Variants in CAMSAP2 observed in about 807,000 individuals in gnomAD.
The protein encoded by CAMSAP2 is calmodulin regulated spectrin associated protein family member 2.
A neutral mutation model predicts 146.1 loss-of-function variants in CAMSAP2; 26 were observed. The ratio of observed to expected loss-of-function variants is 0.18; its 90% CI spans 0.13 to 0.25. The LOEUF (loss-of-function observed/expected upper bound fraction) is 0.25. CAMSAP2 is among the 10% of genes least tolerant of loss of function. The pLI is 1.00. For synonymous variants in CAMSAP2, 499 were observed against 596.6 expected (o/e 0.84, Z 2.38); for missense variants, 1,381 against 1,759.3 (o/e 0.78, Z 3.85).
chr1:200,847,496 G>A, intron 9 of CAMSAP2, 144 bp from the exon 10 acceptor site: 2 of 774,542 alleles, frequency 2.6e-6, no homozygotes, highest in South Asian at 1.7e-5. Flanking sequence ...TGCTTTTCTT[G>A]ATAAAATTAT....
At chr1:200,834,825 T>C (rs1198600584) in intron 6 of CAMSAP2, among the ~76,000 whole-genome samples, 3 of 152,262 alleles carry the variant, frequency 2.0e-5, no homozygotes, top group East Asian at 1.9e-4. Flanking sequence ...TATTGGAGGA[T>C]TGCTTGAACC....
intron 2 of CAMSAP2, among the ~76,000 whole-genome samples, chr1:200,772,507 G>C (rs750990218): frequency 6.6e-6 from 1 of 152,150 alleles, no homozygotes; most frequent in Non-Finnish European, 1.5e-5. Context: ...TACTTGGGAG[G>C]CTGAGGCATG....
intron 2 of CAMSAP2, among the ~76,000 whole-genome samples, chr1:200,775,793 AG>A (rs1665261470): frequency 6.6e-6 from 1 of 152,138 alleles, no homozygotes; most frequent in South Asian, 2.1e-4. Context: ...GGCCTCCCAA[AG>A]TGCTGGGATT....
Position 200,801,314 on chromosome 1 carries a change from G to T in CAMSAP2, c.400-6062G>T, listed in dbSNP as rs550795828. On this transcript the variant is annotated intron_variant, in intron 2 of 16. Transcript: ENST00000358823. ...GAATATTGGCCCCCACTCTCTTCTG[G>T]CTTGTAGGGTTTCCACGTAGAGATC... Among the ~76,000 whole-genome samples, 5 of 151,860 alleles carry T rather than the reference G, an allele frequency of 3.3e-5. No homozygotes were observed. In the South Asian group the frequency reaches 1.0e-3, roughly 32 times the overall value.
At chr1:200,814,170 AAAAC>A (rs1449122301) in intron 3 of CAMSAP2, among the ~76,000 whole-genome samples, 1 of 142,164 alleles carries the variant, frequency 7.0e-6, no homozygotes, top group Non-Finnish European at 1.5e-5. Context: ...AAAATACTAC[AAAAC>A]AAACAAATAG....
At chr1:200,804,746 G>A (rs1034210676) in intron 2 of CAMSAP2, among the ~76,000 whole-genome samples, 2 of 152,166 alleles carry the variant, frequency 1.3e-5, no homozygotes. Context: ...GGAAGAACTG[G>A]GATAGTTGGA....
At chr1:200,755,498 A>G (rs1183109991) in intron 1 of CAMSAP2, among the ~76,000 whole-genome samples, 1 of 152,202 alleles carries the variant, frequency 6.6e-6, no homozygotes, top group East Asian at 1.9e-4. Flanking sequence ...CTGATGGCTT[A>G]TAAGGATCTG....
At chr1:200,820,004 A>C (rs1666706362) in intron 4 of CAMSAP2, among the ~76,000 whole-genome samples, 2 of 152,138 alleles carry the variant, frequency 1.3e-5, no homozygotes, top group South Asian at 4.1e-4. Flanking sequence ...CTATGAATTC[A>C]TGAGTTTGTA....
At chr1:200,806,767 ATCTATC>A (rs1558185507) in intron 2 of CAMSAP2, among the ~76,000 whole-genome samples, 2 of 27,670 alleles carry the variant, frequency 7.2e-5, no homozygotes, top group Non-Finnish European at 1.1e-4. Flanking sequence ...GTGTGTGTGT[ATCTATC>A]TATCTATCTA....
rs1280807712 is a variant in CAMSAP2, at chr1:200,832,743, C to A, written c.825C>A (p.Ser275Arg). The change falls in exon 6 of 17, where the codon AGC becomes AGA. Residue 275 changes from serine (S) to arginine (R), a missense_variant. Transcript: ENST00000358823. The surrounding 1 kb of genome is among the most constrained non-coding windows in gnomAD (Gnocchi z 4.2). Reference protein sequence around the residue: ...CLKETMSLADSLYNLQLIQEF... With the variant: ...CLKETMSLADRLYNLQLIQEF... The stretch of plus-strand genomic sequence containing the variant: ...AAGAAACTATGTCTTTGGCTGATAG[C>A]CTGTATAATCTGCAGCTGATTCAAG... 5 of 1,610,174 alleles carry A rather than the reference C, an allele frequency of 3.1e-6. No homozygotes were observed. Among genetic ancestry groups the A allele is most frequent in the Admixed American group, 1.7e-5 (1 of 59,618 alleles).
At chr1:200,740,863 T>C (rs1447969296) in intron 1 of CAMSAP2, among the ~76,000 whole-genome samples, 2 of 152,240 alleles carry the variant, frequency 1.3e-5, no homozygotes, top group African/African-American at 4.8e-5. Context: ...CTGCTTTTCA[T>C]TGGAAGATGC....
At chr1:200,785,782 G>A (rs1665573429) in intron 2 of CAMSAP2, among the ~76,000 whole-genome samples, 1 of 152,066 alleles carries the variant, frequency 6.6e-6, no homozygotes, top group African/African-American at 2.4e-5. Context: ...CTGCCTCCCA[G>A]GTTCAAGTGA....
At chr1:200,851,683 C>G (rs187918969) in intron 11 of CAMSAP2, among the ~76,000 whole-genome samples, 52 of 152,224 alleles carry the variant, frequency 3.4e-4, no homozygotes, top group Non-Finnish European at 5.9e-5. Flanking sequence ...TACCTCTTCT[C>G]CTTGTGATTT....
intron 2 of CAMSAP2, among the ~76,000 whole-genome samples, chr1:200,803,388 A>G (rs1192771831): frequency 6.6e-6 from 1 of 152,252 alleles, no homozygotes; most frequent in Non-Finnish European, 1.5e-5. Flanking sequence ...TAAAATGCCA[A>G]AAACAGTATG....
intron 2 of CAMSAP2, among the ~76,000 whole-genome samples, chr1:200,773,584 C>A (rs1665178277): frequency 6.6e-6 from 1 of 152,108 alleles, no homozygotes; most frequent in African/African-American, 2.4e-5. Flanking sequence ...AAAAAGATTT[C>A]TATGCATTCA....
intron 4 of CAMSAP2, among the ~76,000 whole-genome samples, chr1:200,820,112 G>A (rs557987078): frequency 1.3e-5 from 2 of 151,524 alleles, no homozygotes; most frequent in African/African-American, 4.8e-5. Context: ...CCAGGCTGGA[G>A]GGCAGAGGCA....
intron 2 of CAMSAP2, among the ~76,000 whole-genome samples, chr1:200,794,287 A>G (rs1170402405): frequency 2.0e-5 from 3 of 152,196 alleles, no homozygotes; most frequent in South Asian, 2.1e-4. Flanking sequence ...CACTTTATAC[A>G]CAGTTTTTTC....
At chr1:200,743,566 C>T (rs2102983723) in intron 1 of CAMSAP2, among the ~76,000 whole-genome samples, 1 of 148,344 alleles carries the variant, frequency 6.7e-6, no homozygotes, top group Non-Finnish European at 1.5e-5. Flanking sequence ...ACTTTGTAGT[C>T]AACAGAAAAT....
rs371852456 is a variant in CAMSAP2, at chr1:200,816,723, C to T, written c.645+1079C>T. Among the ~76,000 whole-genome samples, 5 of 45,940 alleles carry T rather than the reference C, an allele frequency of 1.1e-4. 1 individual carries two copies. The highest frequency in any genetic ancestry group is 5.4e-4 in the East Asian group (1 of 1,862). The allele number at this position is 45,940 out of a possible 152,430, so 30.1% of individuals were successfully genotyped here. A position where few individuals can be genotyped will look rare whatever the true frequency, so the allele number is the denominator to read the frequency against. On this transcript the variant is annotated intron_variant, in intron 4 of 16. Coordinates refer to ENST00000358823, the MANE Select transcript of CAMSAP2 (RefSeq NM_203459.4). Reference sequence around the variant, plus strand: ...ATATATGTGTATATATACACACGCACATATATGTGTGTACACACACACGCG... The same window carrying T: ...ATATATGTGTATATATACACACGCATATATATGTGTGTACACACACACGCG...
Sources: allele counts gnomAD v4.1 joint callset (sites outside exome capture counted in the v4.1 genomes callset), GRCh38; gene constraint gnomAD v4.1.1; non-coding constraint Gnocchi (gnomAD v3.1); transcripts MANE v1.5; gene names NCBI Gene and HGNC (gene_info 2026-07-23, HGNC 2026-07-21).